ADH1C: variants seen among roughly 807,000 people sequenced by gnomAD.
ADH1C encodes alcohol dehydrogenase 1C (class I), gamma polypeptide, also known as alcohol dehydrogenase 1C.
Under a neutral mutation model 35.0 loss-of-function variants are expected in ADH1C, and 26 were observed. The ratio of observed to expected loss-of-function variants is 0.74; its 90% CI spans 0.54 to 1.03. The LOEUF is 1.03. Ranked by LOEUF, ADH1C falls within the 50% of genes least tolerant of loss-of-function variation. The pLI, the probability that ADH1C is intolerant of heterozygous loss-of-function variation, is 0.00. For missense variants in ADH1C, 413 were observed against 465.4 expected (o/e 0.89, Z 1.04); for synonymous variants, 170 against 169.3 (o/e 1.00, Z -0.03).
At chr4:99,342,180 G>C (rs576465595) in intron 6 of ADH1C, among the ~76,000 whole-genome samples, 1 of 152,126 alleles carries the variant, frequency 6.6e-6, no homozygotes, top group Non-Finnish European at 1.5e-5. Flanking sequence ...TAACTTTTGC[G>C]GGTGGTAAAA....
intron 1 of ADH1C, 116 bp downstream of exon 1, chr4:99,352,539 TTCA>T (rs1383777348): frequency 3.3e-5 from 23 of 700,480 alleles, no homozygotes; most frequent in Admixed American, 2.8e-4. Context: ...TTTTAAATTA[TTCA>T]TCATCTAATT....
At chr4:99,344,350 T>C (rs1021394641) in intron 5 of ADH1C, among the ~76,000 whole-genome samples, 1 of 152,196 alleles carries the variant, frequency 6.6e-6, no homozygotes, top group African/African-American at 2.4e-5. Context: ...GAGTCTTTAT[T>C]ACTTTCCGTC....
In ADH1C at chr4:99,352,548, TA is replaced by T. The variant is rs1430571268; in HGVS notation, c.18+109del. ...TATGAATTTTAAATTATTCATCATC[TA>T]ATTTAGATATGAATTTTAAATTTTA... On this transcript the variant is annotated intron_variant, in intron 1 of 8. Transcript: ENST00000515683. The T allele has an allele frequency of 7.3e-6, 6 of 825,032 alleles. No individual in the cohort carries two copies. In the Admixed American group the frequency reaches 1.7e-4, roughly 23 times the overall value. The allele number at this position is 825,032 out of a possible 1,614,324, so 51.1% of individuals were successfully genotyped here. A position where few individuals can be genotyped will look rare whatever the true frequency, so the allele number is the denominator to read the frequency against.
chr4:99,340,439 C>A, intron 7 of ADH1C, 136 bp downstream of exon 7: 2 of 1,055,818 alleles, frequency 1.9e-6, no homozygotes, highest in South Asian at 1.6e-5. Flanking sequence ...AAAAGTTCTG[C>A]ATTATTGGAG....
At chr4:99,349,761 C>A (rs1282383155) in intron 1 of ADH1C, among the ~76,000 whole-genome samples, 1 of 151,986 alleles carries the variant, frequency 6.6e-6, no homozygotes, top group Non-Finnish European at 1.5e-5. Flanking sequence ...TAGATTTGAG[C>A]CCAAAATTAC....
chr4:99,336,922 A>T, intron 8 of ADH1C, 146 bp from the exon 9 acceptor site: 2 of 1,120,156 alleles, frequency 1.8e-6, no homozygotes, highest in Non-Finnish European at 2.6e-6. Flanking sequence ...CATTTGGGTC[A>T]AGTCAAGTGA....
intron 1 of ADH1C, among the ~76,000 whole-genome samples, chr4:99,351,488 A>G (rs1734678600): frequency 6.6e-6 from 1 of 152,260 alleles, no homozygotes; most frequent in Admixed American, 6.5e-5. Context: ...ATTGGTTTAT[A>G]CTTTTGCTCT....
In ADH1C at chr4:99,344,882, A is replaced by G. The variant is rs1444484034; in HGVS notation, c.547T>C (p.Ser183Pro). Reference sequence around the variant, plus strand: ...TCTACCTTGGCAACTTTGACTGCAGACCCATAACCAGTCGAAAATCCACAG... The same window carrying G: ...TCTACCTTGGCAACTTTGACTGCAGGCCCATAACCAGTCGAAAATCCACAG... The part of the protein sequence containing the change: ...IGCGFSTGYG[S>P]AVKVAKVTPG... Residue 183 changes from serine to proline, a missense_variant, in exon 5 of 9, where the codon TCT becomes CCT. By Grantham distance (74) the Ser-to-Pro change is moderately conservative. Coordinates refer to ENST00000515683, the MANE Select transcript of ADH1C (RefSeq NM_000669.5). 1 of 1,614,010 alleles carries G rather than the reference A, an allele frequency of 6.2e-7. No individual in the cohort carries two copies. The highest frequency in any genetic ancestry group is 2.2e-5 in the East Asian group (1 of 44,898).
chr4:99,345,489 A>G (rs1734512180), intron 3 of ADH1C, among the ~76,000 whole-genome samples: 1 of 152,240 alleles, frequency 6.6e-6, no homozygotes. Context: ...CAAGTGTGGG[A>G]AACAAGATGG....
intron 1 of ADH1C, among the ~76,000 whole-genome samples, chr4:99,348,785 C>T (rs1734604395): frequency 6.6e-6 from 1 of 152,064 alleles, no homozygotes; most frequent in Admixed American, 6.5e-5. Flanking sequence ...CTCTCCAGCA[C>T]CTGTTGTTTC....
intron 5 of ADH1C, among the ~76,000 whole-genome samples, chr4:99,344,320 T>G (rs1025951741): frequency 4.6e-5 from 7 of 152,226 alleles, no homozygotes; most frequent in African/African-American, 1.7e-4. Flanking sequence ...AATGTCATAA[T>G]GAGTGAATTA....
intron 8 of ADH1C, among the ~76,000 whole-genome samples, chr4:99,338,434 T>C (rs1321716467): frequency 3.1e-5 from 2 of 64,486 alleles, no homozygotes; most frequent in African/African-American, 1.2e-4. Context: ...TATATATATA[T>C]ATATATATAT....
intron 1 of ADH1C, 21 bp from the exon 2 acceptor site, chr4:99,347,867 A>C (rs745582294): frequency 6.2e-7 from 1 of 1,612,880 alleles, no homozygotes; most frequent in Admixed American, 1.7e-5. Context: ...AGACAGAGAG[A>C]TGGTACCAGT....
At chr4:99,338,418 T>C (rs1579526380) in intron 8 of ADH1C, among the ~76,000 whole-genome samples, 2 of 66,222 alleles carry the variant, frequency 3.0e-5, no homozygotes, top group South Asian at 1.0e-3. Flanking sequence ...TATATATATA[T>C]ATATATATAT....
intron 1 of ADH1C, among the ~76,000 whole-genome samples, chr4:99,349,318 A>G (rs1240020381): frequency 6.6e-6 from 1 of 151,678 alleles, no homozygotes; most frequent in Non-Finnish European, 1.5e-5. Context: ...GGTGTAAGGA[A>G]GGGATCCAGT....
chr4:99,351,433 A>G (rs1200531070), intron 1 of ADH1C, among the ~76,000 whole-genome samples: 1 of 152,232 alleles, frequency 6.6e-6, no homozygotes, highest in Non-Finnish European at 1.5e-5. Flanking sequence ...GTTGCACTCA[A>G]GAGGGGAGGA....
At position 99,340,648 on chromosome 4, in the gene ADH1C, A is replaced by G; in HGVS notation, c.891T>C (p.Pro297=). Residue 297 remains proline, a synonymous_variant, in exon 7 of 9, where the codon CCT becomes CCC. Transcript: ENST00000515683. ...CGTSVIVGVP[P]DSQNLSINPM... Reference sequence around the variant, plus strand: ...GGTTTATTGAGAGGTTCTGGGAATCAGGAGGTACCCCTACAATGACACTTG... The same window carrying G: ...GGTTTATTGAGAGGTTCTGGGAATCGGGAGGTACCCCTACAATGACACTTG... The G allele has an allele frequency of 1.2e-6, 2 of 1,613,602 alleles. No individual in the cohort carries two copies. Among genetic ancestry groups the G allele is most frequent in the South Asian group, 1.1e-5 (1 of 91,064 alleles).
intron 7 of ADH1C, 119 bp downstream of exon 7, chr4:99,340,456 G>A: frequency 2.4e-6 from 3 of 1,246,904 alleles, no homozygotes; most frequent in South Asian, 1.4e-5. Context: ...GGAGACTATA[G>A]AAAAGAAATT....
At chr4:99,345,119 A>G in intron 4 of ADH1C, 38 bp from the exon 5 acceptor site, 1 of 1,614,072 alleles carries the variant, frequency 6.2e-7, no homozygotes, top group Non-Finnish European at 8.5e-7. Flanking sequence ...AAGGCATGAG[A>G]CAGGACCATA....
Sources: gnomAD v4.1 joint callset for allele counts (sites outside exome capture counted in the v4.1 genomes callset) on GRCh38, gnomAD v4.1.1 for gene constraint, MANE v1.5 for transcripts, NCBI Gene and HGNC (gene_info 2026-07-23, HGNC 2026-07-21) for gene names.